The following RMDN2 variants were observed in gnomAD, a reference collection of about 807,000 sequenced individuals.
The protein encoded by RMDN2 is regulator of microtubule dynamics 2.
In RMDN2, 61 loss-of-function variants were observed where a neutral mutation model predicts 52.8. The observed-to-expected ratio is 1.16, with a 90% CI of 0.94 to 1.43. The LOEUF is 1.43. Ranked by LOEUF, RMDN2 falls within the 40% of genes most tolerant of loss-of-function variation. RMDN2 has a pLI of 0.00. For missense variants in RMDN2, 592 were observed against 475.3 expected, an observed-to-expected ratio of 1.25 and a Z score of -2.28; for synonymous variants, 180 against 153.1, an observed-to-expected ratio of 1.18 and a Z score of -1.30.
rs934029510 is a variant in RMDN2, at chr2:38,058,124, G to A, written c.1714-8858G>A. On this transcript the variant is annotated intron_variant, in intron 10 of 10. Transcript: ENST00000234195. ...TTGGAAATTTAACCTTTTTTCTTTG[G>A]AAATAATTGTGCTCCTCACATGCCT... Among the ~76,000 whole-genome samples the A allele has an allele frequency of 2.6e-5, 4 of 152,268 alleles. No homozygotes were observed. The South Asian group carries it at 6.2e-4, about 24-fold the overall frequency.
In RMDN2 at chr2:37,936,833, T is replaced by C. The variant is rs546416900; in HGVS notation, c.452+7104T>C. The stretch of plus-strand genomic sequence containing the variant: ...AATAGATTGCAAAAATTTTCTCCCA[T>C]TCTGTAGGGTGCCTGTTCACTCTGA... On this transcript the variant is annotated intron_variant, in intron 2 of 10. Coordinates refer to ENST00000354545, the MANE Select transcript of RMDN2 (RefSeq NM_001170791.3). 5.3e-5 allele frequency among the ~76,000 whole-genome samples: 8 copies of C among 152,302 alleles called. No homozygotes were observed. In the East Asian group the frequency reaches 1.5e-3, roughly 29 times the overall value.
intron 2 of RMDN2, among the ~76,000 whole-genome samples, chr2:37,971,328 A>G (rs951347713): frequency 6.6e-6 from 1 of 152,078 alleles, no homozygotes; most frequent in Non-Finnish European, 1.5e-5. Context: ...TATTTGTTGA[A>G]GAGTATTGTT....
intron 1 of RMDN2, among the ~76,000 whole-genome samples, chr2:37,927,925 A>T (rs1033486163): frequency 6.6e-6 from 1 of 152,034 alleles, no homozygotes; most frequent in African/African-American, 2.4e-5. Context: ...GGGAGTGGGC[A>T]GATGGTTATA....
intron 10 of RMDN2, among the ~76,000 whole-genome samples, chr2:38,042,199 G>A (rs1287224433): frequency 6.6e-6 from 1 of 151,980 alleles, no homozygotes; most frequent in Non-Finnish European, 1.5e-5. Context: ...CAAAGAATTA[G>A]TCCAGTTCAT....
chr2:38,057,010 T>C lies in RMDN2; in HGVS notation c.1714-9972T>C, dbSNP rs74670912. 2.6e-5 allele frequency among the ~76,000 whole-genome samples: 4 copies of C among 152,354 alleles called. No homozygotes were observed. In the East Asian group the frequency reaches 7.7e-4, roughly 29 times the overall value. On this transcript the variant is annotated intron_variant, in intron 10 of 10. Coordinates refer to the RMDN2 transcript ENST00000234195. Reference sequence around the variant, plus strand: ...TTGGGGTCTTAGCTTTGTGGGTTCATGACTCTCTGTGAAGCAGCATCAACT... The same window carrying C: ...TTGGGGTCTTAGCTTTGTGGGTTCACGACTCTCTGTGAAGCAGCATCAACT...
intron 10 of RMDN2, among the ~76,000 whole-genome samples, chr2:38,033,998 G>A (rs1333200694): frequency 1.3e-5 from 2 of 152,198 alleles, no homozygotes. Context: ...AGAATCTGTT[G>A]ACGTTTATCC....
At chr2:37,939,186 T>G (rs773288569) in intron 2 of RMDN2, among the ~76,000 whole-genome samples, 2 of 152,244 alleles carry the variant, frequency 1.3e-5, no homozygotes, top group Admixed American at 6.5e-5. Flanking sequence ...TTGTTCAGTT[T>G]CCATGTAATT....
intron 8 of RMDN2, among the ~76,000 whole-genome samples, chr2:38,002,000 C>T (rs566823812): frequency 4.7e-4 from 71 of 152,258 alleles, no homozygotes; most frequent in Middle Eastern, 3.4e-3. Context: ...AGGTTTCATT[C>T]CACGCCCAGA....
intron 2 of RMDN2, among the ~76,000 whole-genome samples, chr2:37,932,217 C>T (rs1357396708): frequency 6.7e-6 from 1 of 149,326 alleles, no homozygotes; most frequent in African/African-American, 2.4e-5. Flanking sequence ...CGGCCTTCCG[C>T]AGTGTTTGTG....
intron 10 of RMDN2, among the ~76,000 whole-genome samples, chr2:38,024,327 G>A (rs1005819678): frequency 6.6e-6 from 1 of 152,120 alleles, no homozygotes; most frequent in African/African-American, 2.4e-5. Flanking sequence ...TATGGTAGAT[G>A]TATTTCTACC....
intron 10 of RMDN2, among the ~76,000 whole-genome samples, chr2:38,024,905 C>A (rs978830474): frequency 1.3e-5 from 2 of 152,116 alleles, no homozygotes. Context: ...TTGATCTCAA[C>A]ACCAATACCA....
At chr2:37,950,440 C>G (rs1218633527) in intron 2 of RMDN2, 1 of 1,608,580 alleles carries the variant, frequency 6.2e-7, no homozygotes, top group African/African-American at 1.3e-5. Context: ...TCATCACATT[C>G]TGTGTTATTG....
chr2:37,940,587 A>G (rs190720151), intron 2 of RMDN2, among the ~76,000 whole-genome samples: 1 of 151,842 alleles, frequency 6.6e-6, no homozygotes, highest in South Asian at 2.1e-4. Context: ...ATTCCTTTTC[A>G]TTCTTTTTTT....
chr2:38,011,286 T>C (rs951120857), intron 10 of RMDN2, among the ~76,000 whole-genome samples: 6 of 152,236 alleles, frequency 3.9e-5, no homozygotes, highest in African/African-American at 1.4e-4. Context: ...TGCCCTTTGA[T>C]TCAGTAAGTC....
chr2:37,969,616 TTCAAAAAA>T (rs2125054279), intron 2 of RMDN2, among the ~76,000 whole-genome samples: 1 of 152,074 alleles, frequency 6.6e-6, no homozygotes, highest in South Asian at 2.1e-4. Flanking sequence ...TTGAATAATC[TTCAAAAAA>T]TAAGATTGTT....
At chr2:37,985,918 A>G (rs1042693571) in intron 5 of RMDN2, among the ~76,000 whole-genome samples, 2 of 152,190 alleles carry the variant, frequency 1.3e-5, no homozygotes, top group Admixed American at 6.5e-5. Flanking sequence ...ACAATTTTGT[A>G]TCAATATTGT....
chr2:38,061,712 C>A (rs1682060397), intron 10 of RMDN2, among the ~76,000 whole-genome samples: 1 of 151,932 alleles, frequency 6.6e-6, no homozygotes, highest in Non-Finnish European at 1.5e-5. Flanking sequence ...GCCACCCATC[C>A]CACTAGAATA....
intron 1 of RMDN2, among the ~76,000 whole-genome samples, chr2:37,928,262 G>C (rs1666445290): frequency 1.3e-5 from 2 of 152,196 alleles, no homozygotes; most frequent in African/African-American, 4.8e-5. Flanking sequence ...AGGCTTTTCA[G>C]AAATAGATTA....
chr2:38,047,928 A>G (rs1681373145), intron 10 of RMDN2, among the ~76,000 whole-genome samples: 1 of 151,996 alleles, frequency 6.6e-6, no homozygotes, highest in Non-Finnish European at 1.5e-5. Flanking sequence ...CTTGTGGGAG[A>G]CAAAAATTTT....
Sources: allele counts gnomAD v4.1 joint callset (sites outside exome capture counted in the v4.1 genomes callset), GRCh38; gene constraint gnomAD v4.1.1; transcripts MANE v1.5; gene names NCBI Gene and HGNC (gene_info 2026-07-23, HGNC 2026-07-21).